Variants in SCML2 observed in about 807,000 individuals in gnomAD.
The protein encoded by SCML2 is Scm polycomb group protein like 2.
A neutral mutation model predicts 48.4 loss-of-function variants in SCML2; 6 were observed. The observed-to-expected ratio is 0.12, with a 90% CI of 0.07 to 0.24. SCML2 has a LOEUF of 0.24. Ranked by LOEUF, SCML2 falls within the 10% of genes least tolerant of loss-of-function variation. The pLI is 1.00. For synonymous variants in SCML2, 181 were observed against 189.5 expected (o/e 0.95, Z 0.37); for missense variants, 377 against 528.2 (o/e 0.71, Z 2.81).
chrX:18,337,919 T>C (rs1385722580), intron 1 of SCML2, among the ~76,000 whole-genome samples: 3 of 112,056 alleles, frequency 2.7e-5, no homozygotes, highest in African/African-American at 9.7e-5. Context: ...TTTCAGTTCT[T>C]AGACCACAAT....
Position 18,302,187 on chromosome X carries a change from T to C in SCML2, c.730+2785A>G, listed in dbSNP as rs189404264. ...ACACTGTACATTTCCTATTTACTCCTTGACTCTCTAAATCTAGCTTTTTAA... is the reference window on the plus strand; with the variant it reads ...ACACTGTACATTTCCTATTTACTCCCTGACTCTCTAAATCTAGCTTTTTAA... On this transcript the variant is annotated intron_variant, in intron 7 of 14. Coordinates refer to ENST00000251900, the MANE Select transcript of SCML2 (RefSeq NM_006089.3). 9.9e-4 allele frequency among the ~76,000 whole-genome samples: 110 copies of C among 110,795 alleles called. 1 individual carries two copies. Among genetic ancestry groups the C allele is most frequent in the African/African-American group, 3.4e-3 (103 of 30,483 alleles).
chrX:18,353,741 A>C (rs1046142110), intron 1 of SCML2, among the ~76,000 whole-genome samples: 2 of 112,766 alleles, frequency 1.8e-5, no homozygotes, highest in Non-Finnish European at 3.7e-5. Flanking sequence ...CCGAATTACA[A>C]GTCGGCCCAG....
chrX:18,315,878 C>G (rs185911435), intron 6 of SCML2, among the ~76,000 whole-genome samples: 9 of 110,530 alleles, frequency 8.1e-5, no homozygotes, highest in African/African-American at 3.0e-4. Flanking sequence ...CCTTGTCATT[C>G]GTTCCCAAAT....
intron 13 of SCML2, among the ~76,000 whole-genome samples, chrX:18,245,203 C>T (rs1926397177): frequency 8.9e-6 from 1 of 111,890 alleles, no homozygotes; most frequent in African/African-American, 3.2e-5. Flanking sequence ...ATTTCTATTA[C>T]CAGTAAGTAA....
intron 7 of SCML2, among the ~76,000 whole-genome samples, chrX:18,290,033 G>A (rs923438600): frequency 8.2e-5 from 9 of 110,343 alleles, no homozygotes; most frequent in Non-Finnish European, 1.7e-4. Flanking sequence ...AACATCAAAC[G>A]TTTAGATTTT....
intron 7 of SCML2, among the ~76,000 whole-genome samples, chrX:18,295,573 C>A (rs1019779273): frequency 1.8e-5 from 2 of 109,964 alleles, no homozygotes; most frequent in Non-Finnish European, 3.8e-5. Context: ...CCACACACAC[C>A]ACCCAGAGAA....
At chrX:18,301,580 C>T (rs973822491) in intron 7 of SCML2, among the ~76,000 whole-genome samples, 4 of 110,808 alleles carry the variant, frequency 3.6e-5, no homozygotes, top group Non-Finnish European at 7.6e-5. Context: ...AAGACCAGCC[C>T]GGACAATACA....
At chrX:18,331,259 CAAAAA>C (rs35589774) in intron 2 of SCML2, among the ~76,000 whole-genome samples, 15 of 16,265 alleles carry the variant, frequency 9.2e-4, no homozygotes, top group African/African-American at 3.7e-3. Flanking sequence ...GACTCCGTCT[CAAAAA>C]AAAAAAAAAA....
intron 7 of SCML2, among the ~76,000 whole-genome samples, chrX:18,288,500 A>G (rs1004097987): frequency 1.2e-4 from 13 of 111,618 alleles, no homozygotes; most frequent in Non-Finnish European, 3.8e-5. Context: ...TCCCTGTACC[A>G]TAAAACAATT....
Position 18,323,989 on chromosome X carries a change from A to G in SCML2, c.267T>C (p.Thr89=). ...CCAGTCGTAACCGTAACCTGGCCCC[A>G]GTAATTCCAATAACCGTAGCAATAC... The part of the protein sequence containing the change: ...SVCIATVIGI[T]GARLRLRLDG... Residue 89 remains threonine, a synonymous_variant, in exon 5 of 15, where the codon ACT becomes ACC. Coordinates refer to ENST00000251900, the MANE Select transcript of SCML2 (RefSeq NM_006089.3). 3 of 1,210,888 alleles carry G rather than the reference A, an allele frequency of 2.5e-6. No individual in the cohort carries two copies. The highest frequency in any genetic ancestry group is 3.4e-6 in the Non-Finnish European group (3 of 894,768).
rs1319682541 is a variant in SCML2 at position 18,299,513 on chromosome X, G to A, written c.730+5459C>T. ...AGCCTGGGCAACTGAGTGAGACTCC[G>A]TCTCAAAAAAAAAAAAAGTGGACAA... On this transcript the variant is annotated intron_variant, in intron 7 of 14. Transcript: ENST00000251900. Among the ~76,000 whole-genome samples, 5 of 104,120 alleles carry A rather than the reference G, an allele frequency of 4.8e-5. No individual in the cohort carries two copies. The East Asian group carries it at 9.0e-4, about 19-fold the overall frequency. 90.4% of individuals were successfully genotyped at this position (104,120 alleles called of 115,157 possible).
rs149976924 is a variant in SCML2 at position 18,294,085 on chromosome X, G to A, written c.730+10887C>T. 4.4e-4 allele frequency among the ~76,000 whole-genome samples: 49 copies of A among 111,661 alleles called. No homozygotes were observed. In the East Asian group the frequency reaches 0.013, roughly 30 times the overall value. ...AAGCAAAGAACATGCTAAATATGTG[G>A]GTAAATCTCAACAAACATTGACTAT... On this transcript the variant is annotated intron_variant, in intron 7 of 14. Transcript: ENST00000251900.
At chrX:18,325,086 GA>G (rs367569771) in intron 3 of SCML2, 109 bp from the exon 4 acceptor site, 9,404 of 223,120 alleles carry the variant, frequency 0.042, 2 homozygotes, top group East Asian at 0.061. Flanking sequence ...CCTCTTAAAA[GA>G]AAAAAAAAAA....
chrX:18,290,953 A>T (rs1928212212), intron 7 of SCML2, among the ~76,000 whole-genome samples: 2 of 111,524 alleles, frequency 1.8e-5, no homozygotes, highest in Non-Finnish European at 3.8e-5. Context: ...AGACATGGGA[A>T]TGGCAATATG....
chrX:18,245,966 C>A (rs1431923700), intron 13 of SCML2, among the ~76,000 whole-genome samples: 1 of 112,100 alleles, frequency 8.9e-6, no homozygotes, highest in East Asian at 2.8e-4. Context: ...CTCAAACTCC[C>A]GACTTCGGGT....
chrX:18,250,765 G>C (rs947580636), intron 11 of SCML2, among the ~76,000 whole-genome samples: 1 of 110,925 alleles, frequency 9.0e-6, no homozygotes, highest in Non-Finnish European at 1.9e-5. Context: ...CTAAAAAAAA[G>C]GCTGGTGTAT....
At chrX:18,310,260 CTTTTTTTTTTT>C (rs773391164) in intron 6 of SCML2, among the ~76,000 whole-genome samples, 27 of 62,371 alleles carry the variant, frequency 4.3e-4, no homozygotes, top group Middle Eastern at 0.019. Context: ...AACCACCTCC[CTTTTTTTTTTT>C]TTTTTTTTTT....
chrX:18,241,438 A>G, intron 14 of SCML2, 59 bp from the exon 15 acceptor site: 17 of 899,452 alleles, frequency 1.9e-5, no homozygotes, highest in Non-Finnish European at 2.4e-5. Flanking sequence ...TTATTTATAC[A>G]TAAGAACATG....
At chrX:18,282,834 A>G (rs1927914204) in intron 7 of SCML2, among the ~76,000 whole-genome samples, 1 of 111,595 alleles carries the variant, frequency 9.0e-6, no homozygotes, top group Middle Eastern at 4.6e-3. Flanking sequence ...GCCCCAGAAC[A>G]AATGAATTCA....
Sources: gnomAD v4.1 joint callset for allele counts (sites outside exome capture counted in the v4.1 genomes callset) on GRCh38, gnomAD v4.1.1 for gene constraint, MANE v1.5 for transcripts, NCBI Gene and HGNC (gene_info 2026-07-23, HGNC 2026-07-21) for gene names.